Variants in ADGRB2 observed in about 807,000 individuals in gnomAD.
ADGRB2 encodes brain-specific angiogenesis inhibitor 2.
In ADGRB2, 47 loss-of-function variants were observed where a neutral mutation model predicts 178.7. The ratio of observed to expected loss-of-function variants is 0.26; its 90% CI spans 0.21 to 0.34. ADGRB2 has a LOEUF of 0.34. Ranked by LOEUF, ADGRB2 falls within the 10% of genes least tolerant of loss-of-function variation. ADGRB2 has a pLI of 1.00. For synonymous variants in ADGRB2, 870 were observed against 912.4 expected (o/e 0.95, Z 0.84); for missense variants, 1,584 against 2,180.8 (o/e 0.73, Z 5.45).
chr1:31,754,544 C>A lies in ADGRB2; in HGVS notation c.838+1455G>T, dbSNP rs1646738645. ...CTACAGGCACTAAATCCCAGGCCAGCCTCCAGGGCCTGTAACCTACCCGCG... is the reference window on the plus strand; with the variant it reads ...CTACAGGCACTAAATCCCAGGCCAGACTCCAGGGCCTGTAACCTACCCGCG... On this transcript the variant is annotated intron_variant, in intron 4 of 32. Coordinates refer to ENST00000373658, the MANE Select transcript of ADGRB2 (RefSeq NM_001364857.2). This position sits in a 1 kb window ranked among gnomAD's most constrained non-coding sequence, Gnocchi z 5.7. Among the ~76,000 whole-genome samples the A allele has an allele frequency of 6.6e-6, 1 of 152,258 alleles. No individual in the cohort carries two copies. Among genetic ancestry groups the A allele is most frequent in the African/African-American group, 2.4e-5 (1 of 41,476 alleles).
Position 31,744,159 on chromosome 1 carries a change from C to A in ADGRB2, c.1087+34G>T. ...AAGTCCCAGGCAGGACCTAACCCTG[C>A]AGGCAGGTGGGGTGGGGAGGAGGAT... On this transcript the variant is annotated intron_variant, in intron 6 of 32. Transcript: ENST00000373658. The surrounding 1 kb of genome is among the most constrained non-coding windows in gnomAD (Gnocchi z 6.7). 2 of 1,495,716 alleles carry A rather than the reference C, an allele frequency of 1.3e-6. No homozygotes were observed. The highest frequency in any genetic ancestry group is 1.3e-5 in the South Asian group (1 of 78,272). 92.7% of individuals were successfully genotyped at this position (1,495,716 alleles called of 1,614,324 possible). A position where few individuals can be genotyped will look rare whatever the true frequency, so the allele number is the denominator to read the frequency against.
rs372669312 is a variant in ADGRB2 at position 31,740,188 on chromosome 1, G to C, written c.1990-10C>G. ...CCACCTGGAAGAAGCGCTGAGGAGA[G>C]AGCAATGAGTGGCAGGGGGTCCTAG... On this transcript the variant is annotated splice_polypyrimidine_tract_variant and intron_variant, in intron 12 of 32. Transcript: ENST00000373658. The surrounding 1 kb of genome is among the most constrained non-coding windows in gnomAD (Gnocchi z 5.9). 11 of 1,613,934 alleles carry C rather than the reference G, an allele frequency of 6.8e-6. No homozygotes were observed. The African/African-American group carries it at 1.1e-4, about 16-fold the overall frequency.
chr1:31,742,783 C>T, intron 7 of ADGRB2, 55 bp downstream of exon 7: 1 of 1,369,938 alleles, frequency 7.3e-7, no homozygotes, highest in Non-Finnish European at 9.5e-7. Context: ...CCAGGTCTCC[C>T]GACCCCCCAC....
Position 31,730,882 on chromosome 1 carries a change from C to T in ADGRB2, c.4298G>A (p.Arg1433His), listed in dbSNP as rs368168880. 2.0e-5 allele frequency: 31 copies of T among 1,568,740 alleles called. No individual in the cohort carries two copies. The highest frequency in any genetic ancestry group is 1.6e-4 in the East Asian group (7 of 44,484). Residue 1433 changes from arginine (R) to histidine (H), a missense_variant, in exon 29 of 33, where the codon CGC becomes CAC. Arg to His is a conservative substitution (Grantham distance 29). This residue lies in a region of ADGRB2 where 865 missense variants were observed against 1,192.8 expected (regional missense o/e 0.73). Coordinates refer to ENST00000373658, the MANE Select transcript of ADGRB2 (RefSeq NM_001364857.2). ...GCGCTCCCCTGGCTCGGGCACTTGG[C>T]GGGCGCTGGGTGTCGGCGGTGGCGG... Reference protein sequence around the residue: ...FQPPPPTPSARQVPEPGERSR... With the variant: ...FQPPPPTPSAHQVPEPGERSR...
chr1:31,738,271 C>T lies in ADGRB2; in HGVS notation c.2701G>A (p.Ala901Thr), dbSNP rs1176380521. The change falls in exon 18 of 33, where the codon GCA becomes ACA. Residue 901 changes from alanine to threonine, a missense_variant. By Grantham distance (58) the Ala-to-Thr change is moderately conservative. Transcript: ENST00000373658. The stretch of plus-strand genomic sequence containing the variant: ...TGGCACTGGCAGCGGGTGTGAGCTG[C>T]CTGGGTCTCCAGGGTCTGGCAATTT... ...TENCQTLETQ[A>T]AHTRCQCQHL... 6.2e-6 allele frequency: 10 copies of T among 1,614,074 alleles called. No homozygotes were observed. Among genetic ancestry groups the T allele is most frequent in the Non-Finnish European group, 8.5e-6 (10 of 1,179,998 alleles).
chr1:31,740,895 G>GCACACACACACACACACA lies in ADGRB2; in HGVS notation c.1795-372_1795-355dup, dbSNP rs145689822. ...AATGAGCATGTGTGTGGGCGCGCGC[G>GCACACACACACACACACA]CACACACACACACACACACACACAC... On this transcript the variant is annotated intron_variant, in intron 11 of 32. Transcript: ENST00000373658. The surrounding 1 kb of genome is among the most constrained non-coding windows in gnomAD (Gnocchi z 5.9). Among the ~76,000 whole-genome samples, 208 of 140,472 alleles carry GCACACACACACACACACA rather than the reference G, an allele frequency of 1.5e-3. No homozygotes were observed. Among genetic ancestry groups the GCACACACACACACACACA allele is most frequent in the South Asian group, 5.0e-3 (21 of 4,232 alleles). 92.2% of individuals were successfully genotyped at this position (140,472 alleles called of 152,430 possible).
At position 31,735,866 on chromosome 1, in the gene ADGRB2, C is replaced by T; in HGVS notation, c.3228G>A (p.Leu1076=). The change falls in exon 23 of 33, where the codon CTG becomes CTA. Residue 1076 remains leucine, a synonymous_variant. Coordinates refer to ENST00000373658, the MANE Select transcript of ADGRB2 (RefSeq NM_001364857.2). This position sits in a 1 kb window ranked among gnomAD's most constrained non-coding sequence, Gnocchi z 6.0. ...SYCWLSLEGG[L]LYAFVGPAAV... ...CTGCAGGGCCCACAAAGGCGTAGAG[C>T]AGGCCGCCCTCCAGGGAGAGCCAGC... 6.2e-7 allele frequency: 1 copy of T among 1,606,144 alleles called. No homozygotes were observed. The highest frequency in any genetic ancestry group is 8.5e-7 in the Non-Finnish European group (1 of 1,176,194).
chr1:31,758,082 G>A lies in ADGRB2; in HGVS notation c.-190-571C>T, dbSNP rs1646924599. 6.6e-6 allele frequency among the ~76,000 whole-genome samples: 1 copy of A among 152,132 alleles called. No individual in the cohort carries two copies. Among genetic ancestry groups the A allele is most frequent in the Non-Finnish European group, 1.5e-5 (1 of 68,014 alleles). On this transcript the variant is annotated intron_variant, in intron 1 of 32. Transcript: ENST00000373658. This position sits in a 1 kb window ranked among gnomAD's most constrained non-coding sequence, Gnocchi z 4.2. ...CCTCTACCCAACTGCCCAGAAAATG[G>A]AACCTAGCGCGTGGTCTGAATCAGC...
intron 1 of ADGRB2, among the ~76,000 whole-genome samples, chr1:31,763,649 G>A (rs866120645): frequency 6.1e-5 from 9 of 148,380 alleles, no homozygotes; most frequent in Admixed American, 1.3e-4. Context: ...GCTGGGGGAG[G>A]GGGGGGGCCG....
Position 31,755,964 on chromosome 1 carries a change from AG to A in ADGRB2, c.838+34del. The stretch of plus-strand genomic sequence containing the variant: ...CACCAGGGACACTGTCAGCCCCTGC[AG>A]ACCCCGCCCCACCCAGGCCCTGCTG... On this transcript the variant is annotated intron_variant, in intron 4 of 32. Coordinates refer to ENST00000373658, the MANE Select transcript of ADGRB2 (RefSeq NM_001364857.2). The surrounding 1 kb of genome is among the most constrained non-coding windows in gnomAD (Gnocchi z 5.1). 1.3e-6 allele frequency: 2 copies of A among 1,570,784 alleles called. No individual in the cohort carries two copies. Among genetic ancestry groups the A allele is most frequent in the Non-Finnish European group, 1.7e-6 (2 of 1,154,786 alleles).
In ADGRB2 at chr1:31,741,865, G is replaced by A. The variant is rs774040499; in HGVS notation, c.1520C>T (p.Thr507Met). 1.5e-5 allele frequency: 24 copies of A among 1,610,494 alleles called. No individual in the cohort carries two copies. Among genetic ancestry groups the A allele is most frequent in the Middle Eastern group, 1.6e-4 (1 of 6,074 alleles). Residue 507 changes from threonine (T) to methionine (M), a missense_variant, in exon 9 of 33, where the codon ACG (threonine) becomes ATG (methionine). This residue lies in a region of ADGRB2 where 657 missense variants were observed against 847.6 expected (regional missense o/e 0.78). Coordinates refer to ENST00000373658, the MANE Select transcript of ADGRB2 (RefSeq NM_001364857.2). The surrounding 1 kb of genome is among the most constrained non-coding windows in gnomAD (Gnocchi z 6.5). ...GGTGCCCTCGCAGGGGTAGCCCTGC[G>A]TGCCCGTGGCCTGGCACATGCGGAA... is the stretch of plus-strand genomic sequence containing the variant. ...RRFRMCQATG[T>M]QGYPCEGTGE...
rs1477756145 is a variant in ADGRB2 at position 31,764,166 on chromosome 1, C to T, written c.-473G>A. On this transcript the variant is annotated 5_prime_UTR_variant, in exon 1 of 33. Transcript: ENST00000373658. This position sits in a 1 kb window ranked among gnomAD's most constrained non-coding sequence, Gnocchi z 7.3. The stretch of plus-strand genomic sequence containing the variant: ...CGCCCCCCGCTCCCCCGCTCCCCCG[C>T]CCCGAGCACCGCCCGCGCCGCGCGC... 1.8e-6 allele frequency: 1 copy of T among 557,936 alleles called. No homozygotes were observed. Among genetic ancestry groups the T allele is most frequent in the African/African-American group, 2.1e-5 (1 of 47,668 alleles). The allele number at this position is 557,936 out of a possible 1,614,324, so 34.6% of individuals were successfully genotyped here.
At chr1:31,749,709 C>T (rs1015177067) in intron 4 of ADGRB2, among the ~76,000 whole-genome samples, 24 of 152,208 alleles carry the variant, frequency 1.6e-4, no homozygotes, top group Non-Finnish European at 2.8e-4. Flanking sequence ...CCCAGGAATT[C>T]AAGACCAGCC....
chr1:31,742,790 C>T, intron 7 of ADGRB2, 48 bp downstream of exon 7: 1 of 1,374,360 alleles, frequency 7.3e-7, no homozygotes, highest in African/African-American at 1.5e-5. Context: ...TCCCGACCCC[C>T]CACCGGGCTG....
chr1:31,737,796 G>T (rs199899147), intron 18 of ADGRB2, 41 bp from the exon 19 acceptor site: 17 of 1,576,866 alleles, frequency 1.1e-5, no homozygotes, highest in East Asian at 6.7e-5. Context: ...TTCCTGGGAG[G>T]GGGGAGCTGC....
Position 31,742,960 on chromosome 1 carries a change from G to A in ADGRB2, c.1130C>T (p.Ser377Phe). Residue 377 changes from serine to phenylalanine, a missense_variant, in exon 7 of 33, where the codon TCC (serine) becomes TTC (phenylalanine). Transcript: ENST00000373658. ...CCGGGACCCCCGCCCGCAGCTGCGG[G>A]AGCACAGGCTCCAGGACCCCCACTC... ...WEEWGSWSLC[S>F]RSCGRGSRSR... is the part of the protein sequence containing the mutation. 1 of 1,536,982 alleles carries A rather than the reference G, an allele frequency of 6.5e-7. No individual in the cohort carries two copies. The highest frequency in any genetic ancestry group is 8.8e-7 in the Non-Finnish European group (1 of 1,141,614).
intron 20 of ADGRB2, among the ~76,000 whole-genome samples, chr1:31,736,956 G>A (rs576583266): frequency 8.5e-5 from 13 of 152,318 alleles, no homozygotes; most frequent in East Asian, 5.8e-4. Context: ...GGCTGCCCAC[G>A]CACAGACGGG....
Position 31,744,196 on chromosome 1 carries a change from G to A in ADGRB2, c.1084C>T (p.Pro362Ser). ...TRPCNNSATCPVHGVWEEWGS... is the reference protein window; with the variant it reads ...TRPCNNSATCSVHGVWEEWGS... Reference sequence around the variant, plus strand: ...GTGGGGAGGAGGATGGGCCTACCTGGGCAGGTGGCTGAATTGTTGCAGGGC... The same window carrying A: ...GTGGGGAGGAGGATGGGCCTACCTGAGCAGGTGGCTGAATTGTTGCAGGGC... Residue 362 changes from proline (P) to serine (S), a missense_variant, in exon 6 of 33, where the codon CCA (proline) becomes TCA (serine). By Grantham distance (74) the Pro-to-Ser change is moderately conservative. Coordinates refer to ENST00000373658, the MANE Select transcript of ADGRB2 (RefSeq NM_001364857.2). The surrounding 1 kb of genome is among the most constrained non-coding windows in gnomAD (Gnocchi z 6.7). The A allele has an allele frequency of 6.5e-7, 1 of 1,532,128 alleles. No individual in the cohort carries two copies. The highest frequency in any genetic ancestry group is 1.2e-5 in the South Asian group (1 of 83,130). 94.9% of individuals were successfully genotyped at this position (1,532,128 alleles called of 1,614,324 possible).
At position 31,741,565 on chromosome 1, in the gene ADGRB2, G is replaced by A; in HGVS notation, c.1687+59C>T. 1.2e-6 allele frequency: 2 copies of A among 1,601,790 alleles called. No homozygotes were observed. The highest frequency in any genetic ancestry group is 1.1e-5 in the South Asian group (1 of 90,016). On this transcript the variant is annotated intron_variant, in intron 10 of 32. Transcript: ENST00000373658. The surrounding 1 kb of genome is among the most constrained non-coding windows in gnomAD (Gnocchi z 6.5). ...GTATCTCAGAGAGGCTGGGGGCGCA[G>A]AAGGGGGCAATGAGAATGGCAGGGG...
Sources: allele counts gnomAD v4.1 joint callset (sites outside exome capture counted in the v4.1 genomes callset), GRCh38; gene constraint gnomAD v4.1.1; regional missense constraint gnomAD v4.1.1; non-coding constraint Gnocchi (gnomAD v3.1); transcripts MANE v1.5; gene names NCBI Gene and HGNC (gene_info 2026-07-23, HGNC 2026-07-21).